PPP2R5E: variants seen among roughly 807,000 people sequenced by gnomAD.
The protein encoded by PPP2R5E is serine/threonine-protein phosphatase 2A 56 kDa regulatory subunit epsilon isoform.
A neutral mutation model predicts 65.3 loss-of-function variants in PPP2R5E; 4 were observed. The ratio of observed to expected loss-of-function variants is 0.06; its 90% CI spans 0.03 to 0.14. The LOEUF (loss-of-function observed/expected upper bound fraction) is 0.14. PPP2R5E is among the 10% of genes least tolerant of loss of function. PPP2R5E has a pLI of 1.00. For synonymous variants in PPP2R5E, 183 were observed against 187.4 expected, an observed-to-expected ratio of 0.98 and a Z score of 0.19; for missense variants, 274 against 556.1, an observed-to-expected ratio of 0.49 and a Z score of 5.10.
chr14:63,523,482 T>C (rs1340732168), intron 2 of PPP2R5E, among the ~76,000 whole-genome samples: 1 of 152,038 alleles, frequency 6.6e-6, no homozygotes, highest in African/African-American at 2.4e-5. Flanking sequence ...GTGCAAGATG[T>C]GCTTTGTTAA....
chr14:63,415,578 TAAAC>T (rs1886643694), intron 4 of PPP2R5E, among the ~76,000 whole-genome samples: 1 of 152,198 alleles, frequency 6.6e-6, no homozygotes, highest in Non-Finnish European at 1.5e-5. Context: ...TTGTACCATT[TAAAC>T]AATATATTAT....
intron 2 of PPP2R5E, among the ~76,000 whole-genome samples, chr14:63,503,692 T>C (rs1892017781): frequency 6.6e-6 from 1 of 152,218 alleles, no homozygotes; most frequent in Non-Finnish European, 1.5e-5. Flanking sequence ...TAATTTACTA[T>C]ATAGTTTAAT....
chr14:63,420,868 C>T lies in PPP2R5E; in HGVS notation c.456+1125G>A, dbSNP rs983088372. ...GAGATCGAGACCATCCCGGCTAAAA[C>T]GGTGAAACCCCGTCTCTACTAAAAA... is the stretch of plus-strand genomic sequence containing the variant. On this transcript the variant is annotated intron_variant, in intron 4 of 13. Coordinates refer to ENST00000337537, the MANE Select transcript of PPP2R5E (RefSeq NM_006246.5). 4.8e-5 allele frequency among the ~76,000 whole-genome samples: 5 copies of T among 104,720 alleles called. 1 individual carries two copies. In the East Asian group the frequency reaches 1.2e-3, roughly 26 times the overall value. 68.7% of individuals were successfully genotyped at this position (104,720 alleles called of 152,430 possible).
At chr14:63,520,076 C>T (rs1892834032) in intron 2 of PPP2R5E, among the ~76,000 whole-genome samples, 1 of 152,038 alleles carries the variant, frequency 6.6e-6, no homozygotes, top group East Asian at 1.9e-4. Flanking sequence ...CGCTCTGTCG[C>T]GCAGGCTGGA....
chr14:63,428,023 C>T (rs148148156), intron 3 of PPP2R5E, among the ~76,000 whole-genome samples: 36 of 151,996 alleles, frequency 2.4e-4, no homozygotes, highest in African/African-American at 8.2e-4. Flanking sequence ...ATTTTTACTA[C>T]TCTCATTTTC....
chr14:63,490,738 T>C lies in PPP2R5E; in HGVS notation c.158-36853A>G, dbSNP rs117646138. ...ACTATTAAAAAGTCAAAAAATAACA[T>C]GTTGGCAAGGTTGCAGAGAAAAAGG... is the stretch of plus-strand genomic sequence containing the variant. On this transcript the variant is annotated intron_variant, in intron 2 of 13. Coordinates refer to ENST00000337537, the MANE Select transcript of PPP2R5E (RefSeq NM_006246.5). Among the ~76,000 whole-genome samples, 12 of 151,940 alleles carry C rather than the reference T, an allele frequency of 7.9e-5. No individual in the cohort carries two copies. In the South Asian group the frequency reaches 2.3e-3, roughly 29 times the overall value.
In PPP2R5E at chr14:63,519,702, C is replaced by T. The variant is rs116619988; in HGVS notation, c.157+19827G>A. Among the ~76,000 whole-genome samples the T allele has an allele frequency of 9.7e-3, 1,458 of 150,254 alleles. 29 individuals are homozygous for T. The highest frequency in any genetic ancestry group is 0.034 in the African/African-American group (1,382 of 40,744). On this transcript the variant is annotated intron_variant, in intron 2 of 13. Transcript: ENST00000337537. ...TTTTTGAGACAGAGTTGCTCTGTTA[C>T]CGAGGCTGGAGTGCAGCGGCGCAAT... is the stretch of plus-strand genomic sequence containing the variant.
chr14:63,438,577 G>T (rs1485834489), intron 3 of PPP2R5E, among the ~76,000 whole-genome samples: 2 of 152,106 alleles, frequency 1.3e-5, no homozygotes, highest in African/African-American at 4.8e-5. Flanking sequence ...GTAGAGACAG[G>T]GGGAGTATAC....
chr14:63,455,546 C>T (rs4902227), intron 2 of PPP2R5E, among the ~76,000 whole-genome samples: 43,955 of 151,856 alleles, frequency 0.29, 7,699 homozygotes, highest in African/African-American at 0.49. Context: ...TAGGTCTTAT[C>T]CTATGCCCCC....
chr14:63,438,749 C>T (rs1566702653), intron 3 of PPP2R5E, among the ~76,000 whole-genome samples: 1 of 152,164 alleles, frequency 6.6e-6, no homozygotes, highest in Non-Finnish European at 1.5e-5. Context: ...AGCTCAGTGG[C>T]TTCCTGAGTA....
intron 3 of PPP2R5E, among the ~76,000 whole-genome samples, chr14:63,442,928 T>C (rs929535227): frequency 2.6e-5 from 4 of 152,218 alleles, no homozygotes; most frequent in African/African-American, 4.8e-5. Flanking sequence ...ATAGTTGTTC[T>C]TTTATTAAAA....
At chr14:63,482,039 TAAA>T (rs1890729194) in intron 2 of PPP2R5E, among the ~76,000 whole-genome samples, 1 of 152,232 alleles carries the variant, frequency 6.6e-6, no homozygotes, top group Non-Finnish European at 1.5e-5. Context: ...GTCAACATTT[TAAA>T]ATATCCTAGA....
intron 2 of PPP2R5E, among the ~76,000 whole-genome samples, chr14:63,537,755 G>A (rs1230248045): frequency 2.6e-5 from 4 of 152,036 alleles, no homozygotes; most frequent in Non-Finnish European, 5.9e-5. Flanking sequence ...AGGTTGCCTG[G>A]TTTCCTCCAA....
At chr14:63,506,455 A>G (rs945399681) in intron 2 of PPP2R5E, among the ~76,000 whole-genome samples, 2 of 152,098 alleles carry the variant, frequency 1.3e-5, no homozygotes, top group Non-Finnish European at 2.9e-5. Context: ...CGTCTCAAAA[A>G]AGAAAAAAGT....
intron 2 of PPP2R5E, among the ~76,000 whole-genome samples, chr14:63,518,761 A>G (rs1484328294): frequency 1.3e-5 from 2 of 152,216 alleles, no homozygotes; most frequent in Non-Finnish European, 2.9e-5. Flanking sequence ...ACTACCTCAA[A>G]GTAATCTTCC....
chr14:63,379,999 TAA>T (rs1884241365), intron 13 of PPP2R5E, among the ~76,000 whole-genome samples: 1 of 151,738 alleles, frequency 6.6e-6, no homozygotes, highest in African/African-American at 2.4e-5. Context: ...CGTGCCTGGC[TAA>T]TTTTCATACT....
rs1006414670 is a variant in PPP2R5E, at chr14:63,374,087, T to C, written c.*1922A>G. 1.3e-5 allele frequency: 2 copies of C among 151,712 alleles called. No individual in the cohort carries two copies. Among genetic ancestry groups the C allele is most frequent in the African/African-American group, 4.8e-5 (2 of 41,340 alleles). The allele number at this position is 151,712 out of a possible 1,614,324, so 9.4% of individuals were successfully genotyped here. ...ATATGACTTTTTTTTTTTACTGCTT[T>C]TTTTTTTCTTTTTGGAATTAACAAT... On this transcript the variant is annotated 3_prime_UTR_variant, in exon 14 of 14. Coordinates refer to ENST00000337537, the MANE Select transcript of PPP2R5E (RefSeq NM_006246.5).
intron 13 of PPP2R5E, among the ~76,000 whole-genome samples, chr14:63,379,280 G>C (rs974674321): frequency 6.6e-6 from 1 of 151,620 alleles, no homozygotes; most frequent in African/African-American, 2.4e-5. Flanking sequence ...CGCCCGCCTC[G>C]GCCTCCCAAA....
At chr14:63,380,308 T>A (rs897840348) in intron 13 of PPP2R5E, among the ~76,000 whole-genome samples, 1 of 152,092 alleles carries the variant, frequency 6.6e-6, no homozygotes, top group African/African-American at 2.4e-5. Flanking sequence ...GATTTTAAGT[T>A]TGGGGCAAGG....
Sources: gnomAD v4.1 joint callset for allele counts (sites outside exome capture counted in the v4.1 genomes callset) on GRCh38, gnomAD v4.1.1 for gene constraint, MANE v1.5 for transcripts, NCBI Gene and HGNC (gene_info 2026-07-23, HGNC 2026-07-21) for gene names.